TRIP11: variants seen among roughly 807,000 people sequenced by gnomAD.
TRIP11 encodes thyroid receptor-interacting protein 11.
A neutral mutation model predicts 223.1 loss-of-function variants in TRIP11; 148 were observed. The observed-to-expected ratio is 0.66, with a 90% CI of 0.58 to 0.76. The LOEUF is 0.76. TRIP11 is among the 30% of genes least tolerant of loss of function. The pLI is 0.00. For synonymous variants in TRIP11, 762 were observed against 772.6 expected (o/e 0.99, Z 0.23); for missense variants, 2,043 against 2,222.0 (o/e 0.92, Z 1.62).
chr14:92,036,450 G>C (rs182640998), intron 1 of TRIP11, among the ~76,000 whole-genome samples: 2 of 152,134 alleles, frequency 1.3e-5, no homozygotes, highest in African/African-American at 4.8e-5. Context: ...TAAGGAAACT[G>C]TGCTTTTGGA....
chr14:92,038,660 T>C (rs574110502), intron 1 of TRIP11, among the ~76,000 whole-genome samples: 3 of 152,254 alleles, frequency 2.0e-5, no homozygotes, highest in South Asian at 4.1e-4. Flanking sequence ...AATACTAATT[T>C]ATTAAATTTA....
In TRIP11 at chr14:92,003,808, G is replaced by A. The variant is rs1453086613; in HGVS notation, c.4168C>T (p.Gln1390Ter). The A allele has an allele frequency of 6.2e-7, 1 of 1,613,982 alleles. No individual in the cohort carries two copies. Among genetic ancestry groups the A allele is most frequent in the Non-Finnish European group, 8.5e-7 (1 of 1,180,024 alleles). The change falls in exon 11 of 21, where the codon CAA becomes TAA. Residue 1390 changes from glutamine (Q) to a stop codon, truncating the protein, a stop_gained. Coordinates refer to ENST00000267622, the MANE Select transcript of TRIP11 (RefSeq NM_004239.4). LOFTEE classifies it high-confidence loss of function. ...TSELERKEHEQTDSEIKQLKE... is the reference protein window; with the variant it reads ...TSELERKEHE ...AGCTGCTTGATTTCTGAATCGGTTT[G>A]TTCGTGTTCTTTTCTTTCTAGCTCT...
Position 91,976,199 on chromosome 14 carries a change from A to G in TRIP11, c.5261-10T>C, listed in dbSNP as rs1330121209. Reference sequence around the variant, plus strand: ...TCTTGTCGGAGCTCATCTGTTGTAAAATATGTGAATAAAGATAGCCATTAA... The same window carrying G: ...TCTTGTCGGAGCTCATCTGTTGTAAGATATGTGAATAAAGATAGCCATTAA... On this transcript the variant is annotated splice_polypyrimidine_tract_variant and intron_variant, in intron 16 of 20. Transcript: ENST00000267622. The G allele has an allele frequency of 3.1e-6, 5 of 1,609,496 alleles. No individual in the cohort carries two copies. Among genetic ancestry groups the G allele is most frequent in the Non-Finnish European group, 8.5e-7 (1 of 1,178,324 alleles).
At chr14:92,006,605 ATTAC>A (rs1267255284) in intron 10 of TRIP11, among the ~76,000 whole-genome samples, 157 bp from the exon 11 acceptor site, 1 of 152,210 alleles carries the variant, frequency 6.6e-6, no homozygotes, top group Non-Finnish European at 1.5e-5. Flanking sequence ...CCACTACAAA[ATTAC>A]TTATTATTAT....
Position 92,024,816 on chromosome 14 carries a change from G to A in TRIP11, c.312+494C>T, listed in dbSNP as rs569999816. Among the ~76,000 whole-genome samples the A allele has an allele frequency of 2.0e-5, 3 of 152,238 alleles. No individual in the cohort carries two copies. In the South Asian group the frequency reaches 6.2e-4, roughly 32 times the overall value. On this transcript the variant is annotated intron_variant, in intron 3 of 20. Coordinates refer to ENST00000267622, the MANE Select transcript of TRIP11 (RefSeq NM_004239.4). The stretch of plus-strand genomic sequence containing the variant: ...ACAGACTGTATTTTAAGGATTCAGA[G>A]TAACATTAAATTATATAATATCTAC...
Position 92,004,898 on chromosome 14 carries a change from T to C in TRIP11, c.3078A>G (p.Lys1026=), listed in dbSNP as rs370090737. 45 of 1,613,918 alleles carry C rather than the reference T, an allele frequency of 2.8e-5. No individual in the cohort carries two copies. In the African/African-American group the frequency reaches 3.5e-4, roughly 12 times the overall value. The change falls in exon 11 of 21, where the codon AAA becomes AAG. Residue 1026 remains lysine, a synonymous_variant. Coordinates refer to ENST00000267622, the MANE Select transcript of TRIP11 (RefSeq NM_004239.4). ...AETERLVKGI[K]ERELEIKLLN... is the part of the protein sequence containing the mutation. ...GAAGTTTAATCTCCAGTTCTCGCTC[T>C]TTTATTCCTTTCACTAATCTTTCCG...
chr14:92,019,538 T>C (rs1354220048), intron 4 of TRIP11, among the ~76,000 whole-genome samples: 5 of 152,226 alleles, frequency 3.3e-5, no homozygotes, highest in African/African-American at 9.6e-5. Flanking sequence ...TAATTTTAAG[T>C]GGGAAGATTT....
In TRIP11 at chr14:92,007,029, G is replaced by GT. The variant is rs1197741342; in HGVS notation, c.1528-582dup. On this transcript the variant is annotated intron_variant, in intron 10 of 20. Coordinates refer to ENST00000267622, the MANE Select transcript of TRIP11 (RefSeq NM_004239.4). Reference sequence around the variant, plus strand: ...AATTTAAAACCAAAGATGGTAAATAGTATTTTTTTTTTTTTTGAGACAGAG... The same window carrying GT: ...AATTTAAAACCAAAGATGGTAAATAGTTATTTTTTTTTTTTTTGAGACAGAG... 4.2e-5 allele frequency among the ~76,000 whole-genome samples: 6 copies of GT among 141,844 alleles called. No individual in the cohort carries two copies. The East Asian group carries it at 1.2e-3, about 29-fold the overall frequency. The allele number at this position is 141,844 out of a possible 152,430, so 93.1% of individuals were successfully genotyped here. A position where few individuals can be genotyped will look rare whatever the true frequency, so the allele number is the denominator to read the frequency against.
In TRIP11 at chr14:91,999,342, C is replaced by T. The variant is rs756103176; in HGVS notation, c.4790G>A (p.Arg1597His). 87 of 1,613,786 alleles carry T rather than the reference C, an allele frequency of 5.4e-5. No individual in the cohort carries two copies. The highest frequency in any genetic ancestry group is 6.6e-5 in the South Asian group (6 of 91,078). The change falls in exon 13 of 21, where the codon CGT (arginine) becomes CAT (histidine). Residue 1597 changes from arginine to histidine, a missense_variant. By Grantham distance (29) the Arg-to-His change is conservative. Transcript: ENST00000267622. ...TCTATCTTCTGCAGCCAAAGCTTCACGGGTATAAGAATCTTCTGATTCTAA... is the reference window on the plus strand; with the variant it reads ...TCTATCTTCTGCAGCCAAAGCTTCATGGGTATAAGAATCTTCTGATTCTAA... ...HLLESEDSYT[R>H]EALAAEDREA...
At chr14:91,996,498 C>T (rs1018587995) in intron 13 of TRIP11, among the ~76,000 whole-genome samples, 1 of 152,186 alleles carries the variant, frequency 6.6e-6, no homozygotes, top group African/African-American at 2.4e-5. Flanking sequence ...ACTATGATCA[C>T]ACCACTGTAC....
At chr14:92,013,617 T>C (rs2057000316) in intron 7 of TRIP11, among the ~76,000 whole-genome samples, 1 of 152,190 alleles carries the variant, frequency 6.6e-6, no homozygotes, top group Admixed American at 6.5e-5. Context: ...ACTAAGGCAG[T>C]GGGTTTGTCT....
At chr14:92,017,215 T>A (rs1218373523) in intron 5 of TRIP11, among the ~76,000 whole-genome samples, 1 of 152,028 alleles carries the variant, frequency 6.6e-6, no homozygotes, top group African/African-American at 2.4e-5. Flanking sequence ...TTTTATATAC[T>A]TTACATAAAT....
At chr14:92,012,643 A>C (rs751475324) in intron 7 of TRIP11, among the ~76,000 whole-genome samples, 1 of 152,226 alleles carries the variant, frequency 6.6e-6, no homozygotes, top group Non-Finnish European at 1.5e-5. Flanking sequence ...AGAGCCATAG[A>C]GACACTCCAC....
Position 91,981,012 on chromosome 14 carries a change from ATTTTTTTTT to A in TRIP11, c.5261-4832_5261-4824del, listed in dbSNP as rs564098716. Among the ~76,000 whole-genome samples, 46 of 49,932 alleles carry A rather than the reference ATTTTTTTTT, an allele frequency of 9.2e-4. 1 individual carries two copies. In the South Asian group the frequency reaches 0.02, roughly 22 times the overall value. The allele number at this position is 49,932 out of a possible 152,430, so 32.8% of individuals were successfully genotyped here. ...ATATTATATATATATATATATATATATTTTTTTTTTTTTTTTTTTTTTTTGAGACAGAGT... is the reference window on the plus strand; with the variant it reads ...ATATTATATATATATATATATATATATTTTTTTTTTTTTTTGAGACAGAGT... On this transcript the variant is annotated intron_variant, in intron 16 of 20. Coordinates refer to ENST00000267622, the MANE Select transcript of TRIP11 (RefSeq NM_004239.4).
chr14:92,038,203 T>C (rs151160094), intron 1 of TRIP11, among the ~76,000 whole-genome samples: 17 of 152,198 alleles, frequency 1.1e-4, no homozygotes, highest in African/African-American at 3.9e-4. Context: ...AAACAGCACA[T>C]TTGGCAGGAG....
chr14:92,034,783 C>T (rs1178180796), intron 1 of TRIP11, among the ~76,000 whole-genome samples: 3 of 152,206 alleles, frequency 2.0e-5, no homozygotes, highest in African/African-American at 4.8e-5. Flanking sequence ...CAGGCACATG[C>T]GACCACACCT....
At chr14:91,971,972 T>C (rs1406636950) in intron 20 of TRIP11, among the ~76,000 whole-genome samples, 1 of 152,058 alleles carries the variant, frequency 6.6e-6, no homozygotes, top group African/African-American at 2.4e-5. Context: ...TTAGTAAACA[T>C]ATTAGTCTAT....
intron 1 of TRIP11, among the ~76,000 whole-genome samples, chr14:92,038,561 ATCTT>A (rs1333446716): frequency 2.0e-5 from 3 of 152,162 alleles, no homozygotes; most frequent in Admixed American, 6.5e-5. Flanking sequence ...CATAAGCATT[ATCTT>A]TCTATCAAAC....
rs2057341909 is a variant in TRIP11 at position 92,037,977 on chromosome 14, T to G, written c.139+1570A>C. Among the ~76,000 whole-genome samples the G allele has an allele frequency of 6.6e-6, 1 of 151,954 alleles. No individual in the cohort carries two copies. The highest frequency in any genetic ancestry group is 2.4e-5 in the African/African-American group (1 of 41,348). On this transcript the variant is annotated intron_variant, in intron 1 of 20. Transcript: ENST00000267622. This position sits in a 1 kb window ranked among gnomAD's most constrained non-coding sequence, Gnocchi z 4.2. ...CAATACAATAGAAAATGGACTGGGGTAGGGAGAAATGGGTGACAGGACATG... is the reference window on the plus strand; with the variant it reads ...CAATACAATAGAAAATGGACTGGGGGAGGGAGAAATGGGTGACAGGACATG...
Sources: allele counts gnomAD v4.1 joint callset (sites outside exome capture counted in the v4.1 genomes callset), GRCh38; gene constraint gnomAD v4.1.1; non-coding constraint Gnocchi (gnomAD v3.1); transcripts MANE v1.5; gene names NCBI Gene and HGNC (gene_info 2026-07-23, HGNC 2026-07-21).